Variants in CHRNA7 observed in about 807,000 individuals in gnomAD.
CHRNA7 encodes the protein cholinergic receptor nicotinic alpha 7 subunit.
CHRNA7 carries 17 observed loss-of-function variants against 48.0 expected under a neutral mutation model. That is an observed-to-expected ratio of 0.35 (90% CI 0.24 to 0.53). The LOEUF is 0.53. Ranked by LOEUF, CHRNA7 falls within the 20% of genes least tolerant of loss-of-function variation. The probability of loss-of-function intolerance (pLI) is 0.92; values close to 1 mark genes in which losing one functional copy is unlikely to be tolerated. For missense variants in CHRNA7, 155 were observed against 577.7 expected, an observed-to-expected ratio of 0.27 and a Z score of 7.50; for synonymous variants, 75 against 242.3, an observed-to-expected ratio of 0.31 and a Z score of 6.41.
chr15:32,072,953 T>C (rs757167917), intron 2 of CHRNA7, among the ~76,000 whole-genome samples: 1 of 152,116 alleles, frequency 6.6e-6, no homozygotes. Context: ...AGGGGAAAGA[T>C]GGGGTTGGAG....
At chr15:32,088,369 T>G (rs1167927625) in intron 2 of CHRNA7, among the ~76,000 whole-genome samples, 1 of 152,258 alleles carries the variant, frequency 6.6e-6, no homozygotes, top group African/African-American at 2.4e-5. Flanking sequence ...ATCCAGTTTT[T>G]GTGATTATGC....
chr15:32,075,833 T>A (rs1315182197), intron 2 of CHRNA7, among the ~76,000 whole-genome samples: 1 of 152,066 alleles, frequency 6.6e-6, no homozygotes, highest in Non-Finnish European at 1.5e-5. Flanking sequence ...ATGCATTTAT[T>A]ATTGTAAATT....
At chr15:32,091,728 T>C (rs1254152955) in intron 2 of CHRNA7, among the ~76,000 whole-genome samples, 1 of 152,188 alleles carries the variant, frequency 6.6e-6, no homozygotes, top group African/African-American at 2.4e-5. Context: ...TTAGGCTCTC[T>C]GTGAATAACA....
At chr15:32,037,296 A>G (rs1902139386) in intron 2 of CHRNA7, among the ~76,000 whole-genome samples, 1 of 152,136 alleles carries the variant, frequency 6.6e-6, no homozygotes, top group East Asian at 1.9e-4. Flanking sequence ...CTCTTTGTCT[A>G]TTCTTTCATC....
chr15:32,036,853 T>G (rs1440596836), intron 2 of CHRNA7, among the ~76,000 whole-genome samples: 1 of 152,106 alleles, frequency 6.6e-6, no homozygotes, highest in Non-Finnish European at 1.5e-5. Context: ...GGTATGTCTT[T>G]TGCAAATATT....
intron 3 of CHRNA7, among the ~76,000 whole-genome samples, chr15:32,109,140 G>C (rs1219590387): frequency 2.0e-5 from 3 of 152,236 alleles, no homozygotes; most frequent in Admixed American, 6.5e-5. Flanking sequence ...CAGCCCCGAA[G>C]GCTGCTGGTT....
intron 4 of CHRNA7, among the ~76,000 whole-genome samples, chr15:32,114,020 ATATATATATATATATATATATATG>A (rs2050808101): frequency 4.8e-5 from 1 of 20,960 alleles, no homozygotes; most frequent in African/African-American, 1.5e-4. Context: ...CTATCTCCAA[ATATATATATATATATATATATATG>A]TATATATATA....
chr15:32,094,271 A>C (rs1232252867), intron 2 of CHRNA7, among the ~76,000 whole-genome samples: 1 of 152,212 alleles, frequency 6.6e-6, no homozygotes, highest in Non-Finnish European at 1.5e-5. Flanking sequence ...TCTCATCTGC[A>C]CATTGATGCA....
intron 2 of CHRNA7, among the ~76,000 whole-genome samples, chr15:32,074,532 G>A (rs1400191910): frequency 1.3e-5 from 2 of 151,250 alleles, no homozygotes; most frequent in East Asian, 4.0e-4. Flanking sequence ...TTATCAAGTT[G>A]AGGAAGTTTG....
At chr15:32,126,782 T>C (rs1318059855) in intron 4 of CHRNA7, among the ~76,000 whole-genome samples, 1 of 152,176 alleles carries the variant, frequency 6.6e-6, no homozygotes, top group Non-Finnish European at 1.5e-5. Flanking sequence ...AAAAAAATTA[T>C]AGGGAGGTAC....
chr15:32,101,210 T>C, intron 2 of CHRNA7, 93 bp from the exon 3 acceptor site: 1 of 1,355,390 alleles, frequency 7.4e-7, no homozygotes, highest in South Asian at 1.3e-5. Context: ...ACAACAACGC[T>C]CTCGACAGTC....
chr15:32,067,813 A>G (rs1336328944), intron 2 of CHRNA7, among the ~76,000 whole-genome samples: 1 of 152,234 alleles, frequency 6.6e-6, no homozygotes, highest in East Asian at 1.9e-4. Flanking sequence ...GCTTTAAGTT[A>G]GTATCAATCC....
At chr15:32,068,583 C>T (rs987043521) in intron 2 of CHRNA7, among the ~76,000 whole-genome samples, 4 of 152,030 alleles carry the variant, frequency 2.6e-5, no homozygotes. Flanking sequence ...TACATCTCTA[C>T]ATGGTGGTGG....
At chr15:32,139,155 A>G in intron 4 of CHRNA7, among the ~76,000 whole-genome samples, 1 of 152,216 alleles carries the variant, frequency 6.6e-6, no homozygotes, top group East Asian at 1.9e-4. Context: ...TTCATTTGGT[A>G]ATATGCATTT....
At chr15:32,094,996 C>G (rs2050443824) in intron 2 of CHRNA7, among the ~76,000 whole-genome samples, 1 of 152,232 alleles carries the variant, frequency 6.6e-6, no homozygotes, top group Non-Finnish European at 1.5e-5. Context: ...CAGCATGCTG[C>G]AGAGAGAGCA....
intron 4 of CHRNA7, among the ~76,000 whole-genome samples, chr15:32,114,046 A>ATATATATATATATATATATGTG (rs1566848881): frequency 2.2e-5 from 1 of 44,750 alleles, no homozygotes; most frequent in African/African-American, 6.6e-5. Context: ...ATATATATGT[A>ATATATATATATATATATATGTG]TATATATATA....
intron 2 of CHRNA7, among the ~76,000 whole-genome samples, chr15:32,064,246 T>C (rs1033944940): frequency 1.3e-4 from 20 of 151,956 alleles, no homozygotes; most frequent in Non-Finnish European, 2.6e-4. Flanking sequence ...TTCCTCCCCG[T>C]GCCCCTTTCC....
chr15:32,033,098 G>A (rs1185488012), intron 2 of CHRNA7, among the ~76,000 whole-genome samples: 1 of 152,168 alleles, frequency 6.6e-6, no homozygotes, highest in Non-Finnish European at 1.5e-5. Flanking sequence ...GTCATGGGAA[G>A]GGGGCGGGAG....
At chr15:32,050,731 A>G (rs1200339987) in intron 2 of CHRNA7, among the ~76,000 whole-genome samples, 8 of 150,582 alleles carry the variant, frequency 5.3e-5, no homozygotes, top group Non-Finnish European at 8.8e-5. Context: ...TCTGCTTTTT[A>G]GAGTTTCCAG....
Sources: gnomAD v4.1 joint callset for allele counts (sites outside exome capture counted in the v4.1 genomes callset) on GRCh38, gnomAD v4.1.1 for gene constraint, MANE v1.5 for transcripts, NCBI Gene and HGNC (gene_info 2026-07-23, HGNC 2026-07-21) for gene names.